NLK: variants seen among roughly 807,000 people sequenced by gnomAD.
NLK encodes the protein serine/threonine-protein kinase NLK.
NLK carries 11 observed loss-of-function variants against 59.0 expected under a neutral mutation model. That is an observed-to-expected ratio of 0.19 (90% CI 0.12 to 0.31). NLK has a LOEUF of 0.31. NLK is among the 10% of genes least tolerant of loss of function. The pLI is 1.00. For missense variants in NLK, 410 were observed against 661.1 expected (o/e 0.62, Z 4.16); for synonymous variants, 235 against 235.9 (o/e 1.00, Z 0.03).
intron 1 of NLK, among the ~76,000 whole-genome samples, chr17:28,097,406 A>G (rs1458759425): frequency 1.3e-5 from 2 of 152,112 alleles, no homozygotes; most frequent in Non-Finnish European, 2.9e-5. Flanking sequence ...GTAAAATTCA[A>G]ATTTCCTTTT....
intron 1 of NLK, among the ~76,000 whole-genome samples, chr17:28,051,613 T>A (rs1909259926): frequency 6.6e-6 from 1 of 151,710 alleles, no homozygotes; most frequent in African/African-American, 2.4e-5. Context: ...TGCCTCGGCC[T>A]CCCAAAGTGC....
intron 1 of NLK, among the ~76,000 whole-genome samples, chr17:28,076,754 CAAAG>C (rs905067134): frequency 7.2e-5 from 11 of 152,046 alleles, no homozygotes; most frequent in Non-Finnish European, 1.3e-4. Flanking sequence ...CAGTGAAAAA[CAAAG>C]AAGTGGAGTA....
intron 1 of NLK, among the ~76,000 whole-genome samples, chr17:28,122,288 G>A (rs754501085): frequency 6.6e-6 from 1 of 152,030 alleles, no homozygotes. Context: ...TCTTTAAAAT[G>A]GCTTTACCAC....
chr17:28,084,410 T>C (rs973500338), intron 1 of NLK, among the ~76,000 whole-genome samples: 48 of 152,200 alleles, frequency 3.2e-4, no homozygotes, highest in African/African-American at 1.1e-3. Context: ...TAACTCAAAG[T>C]CTGAAAGCTA....
At chr17:28,188,334 C>G (rs955724754) in intron 8 of NLK, among the ~76,000 whole-genome samples, 2 of 152,256 alleles carry the variant, frequency 1.3e-5, no homozygotes, top group African/African-American at 4.8e-5. Context: ...TTAAATTAGC[C>G]TGATGCTTTA....
chr17:28,051,343 G>T (rs985030106), intron 1 of NLK, among the ~76,000 whole-genome samples: 3 of 151,208 alleles, frequency 2.0e-5, no homozygotes, highest in African/African-American at 7.3e-5. Context: ...GATGTTCAAG[G>T]TGCCATTTCC....
chr17:28,155,778 C>T (rs186347517), intron 3 of NLK, among the ~76,000 whole-genome samples: 7 of 128,490 alleles, frequency 5.4e-5, no homozygotes, highest in South Asian at 2.6e-4. Flanking sequence ...CAGGGCCTGT[C>T]GGGGGGTGGA....
intron 1 of NLK, among the ~76,000 whole-genome samples, chr17:28,108,731 A>G (rs1359453990): frequency 4.6e-5 from 7 of 152,236 alleles, no homozygotes; most frequent in Non-Finnish European, 8.8e-5. Flanking sequence ...GAAGGCCAGA[A>G]GTATTAAAAT....
chr17:28,067,247 T>A (rs1312664160), intron 1 of NLK, among the ~76,000 whole-genome samples: 3 of 152,228 alleles, frequency 2.0e-5, no homozygotes, highest in Non-Finnish European at 4.4e-5. Flanking sequence ...AGTCTGTATT[T>A]CATGTTTGGG....
chr17:28,193,617 G>A (rs186926950), intron 10 of NLK, among the ~76,000 whole-genome samples: 3 of 152,262 alleles, frequency 2.0e-5, no homozygotes, highest in East Asian at 3.9e-4. Flanking sequence ...GGGTGGATTC[G>A]GATATGAGTG....
At chr17:28,174,502 C>T (rs1908595997) in intron 7 of NLK, among the ~76,000 whole-genome samples, 1 of 151,978 alleles carries the variant, frequency 6.6e-6, no homozygotes. Flanking sequence ...AGGCCATTTC[C>T]GCTTAATGGC....
rs1202028613 is a variant in NLK, at chr17:28,191,155, T to G, written c.1371T>G (p.Pro457=). ...GAGTTTATACCAGTGACTTTGAGCC[T>G]GTCACCAATCCCAAATTTGATGACA... The part of the protein sequence containing the change: ...TGRVYTSDFE[P]VTNPKFDDTF... The change falls in exon 9 of 11, where the codon CCT becomes CCG. Residue 457 remains proline, a synonymous_variant. Coordinates refer to ENST00000407008, the MANE Select transcript of NLK (RefSeq NM_016231.5). 1 of 1,613,680 alleles carries G rather than the reference T, an allele frequency of 6.2e-7. No homozygotes were observed. The highest frequency in any genetic ancestry group is 1.1e-5 in the South Asian group (1 of 90,998).
At chr17:28,158,405 T>C (rs1907870190) in intron 3 of NLK, among the ~76,000 whole-genome samples, 1 of 152,168 alleles carries the variant, frequency 6.6e-6, no homozygotes, top group South Asian at 2.1e-4. Context: ...CAGTGAGTGG[T>C]GAGTGAATTT....
chr17:28,124,948 C>T (rs1010826365), intron 2 of NLK, among the ~76,000 whole-genome samples: 1 of 151,938 alleles, frequency 6.6e-6, no homozygotes, highest in Admixed American at 6.6e-5. Context: ...ACTCAGGAGG[C>T]TGAGGTGGGA....
At chr17:28,077,155 C>T (rs1910197918) in intron 1 of NLK, among the ~76,000 whole-genome samples, 1 of 125,376 alleles carries the variant, frequency 8.0e-6, no homozygotes. Flanking sequence ...TGCCTTCTTT[C>T]CTTCCCTTGT....
At position 28,182,906 on chromosome 17, in the gene NLK, T is replaced by A. The variant is rs111576198; in HGVS notation, c.1150-2273T>A. Among the ~76,000 whole-genome samples, 1,337 of 152,342 alleles carry A rather than the reference T, an allele frequency of 8.8e-3. 18 individuals are homozygous for A. The highest frequency in any genetic ancestry group is 0.03 in the African/African-American group (1,256 of 41,572). On this transcript the variant is annotated intron_variant, in intron 7 of 10. Coordinates refer to ENST00000407008, the MANE Select transcript of NLK (RefSeq NM_016231.5). ...AACACATATGTTTTTTAAACTCTCT[T>A]TTAAGTTTTTCCCACAAATATAATC...
intron 6 of NLK, 37 bp from the exon 7 acceptor site, chr17:28,172,480 T>G: frequency 9.3e-4 from 1,265 of 1,366,432 alleles, no homozygotes; most frequent in Non-Finnish European, 1.1e-3. Context: ...GTTATTTCCA[T>G]GAGATTACTA....
chr17:28,090,074 C>T (rs905427742), intron 1 of NLK, among the ~76,000 whole-genome samples: 1 of 152,112 alleles, frequency 6.6e-6, no homozygotes, highest in African/African-American at 2.4e-5. Flanking sequence ...TTAAATGAAT[C>T]ATGCATGTTT....
intron 1 of NLK, among the ~76,000 whole-genome samples, chr17:28,104,022 A>G (rs867952188): frequency 6.6e-6 from 1 of 152,150 alleles, no homozygotes; most frequent in Non-Finnish European, 1.5e-5. Context: ...ATTTTATTAC[A>G]TTATTCACTG....
Sources: gnomAD v4.1 joint callset for allele counts (sites outside exome capture counted in the v4.1 genomes callset) on GRCh38, gnomAD v4.1.1 for gene constraint, MANE v1.5 for transcripts, NCBI Gene and HGNC (gene_info 2026-07-23, HGNC 2026-07-21) for gene names.